CDKN2B-AS1: variants seen among roughly 807,000 people sequenced by gnomAD.
CDKN2B-AS1 encodes the protein CDKN2B and CDKN2A antisense cis and trans regulatory RNA 1, also known as CDKN2B antisense RNA 1 (non-protein coding).
At chr9:22,033,850 A>G (rs1822578094) in intron 1 of CDKN2B-AS1, among the ~76,000 whole-genome samples, 1 of 152,218 alleles carries the variant, frequency 6.6e-6, no homozygotes, top group African/African-American at 2.4e-5. Context: ...GTTGGCACTG[A>G]ATGTGCTATC....
At chr9:22,072,477 A>T (rs1824335470) in intron 4 of CDKN2B-AS1, among the ~76,000 whole-genome samples, 1 of 152,180 alleles carries the variant, frequency 6.6e-6, no homozygotes, top group African/African-American at 2.4e-5. Flanking sequence ...GTTCCATTTC[A>T]TCTCTAATAA....
intron 1 of CDKN2B-AS1, among the ~76,000 whole-genome samples, chr9:22,044,318 T>A (rs10965217): frequency 1.1e-4 from 16 of 151,906 alleles, no homozygotes; most frequent in African/African-American, 3.9e-4. Flanking sequence ...GAGTAGAATA[T>A]CCTAGTAGGA....
rs557349640 is a variant in CDKN2B-AS1, at chr9:22,015,257, C to T, written n.29+20096C>T. Among the ~76,000 whole-genome samples the T allele has an allele frequency of 3.3e-4, 51 of 152,288 alleles. No individual in the cohort carries two copies. The East Asian group carries it at 9.4e-3, about 28-fold the overall frequency. On this transcript the variant is annotated intron_variant and non_coding_transcript_variant, in intron 1 of 4. Transcript: ENST00000650946. The stretch of plus-strand genomic sequence containing the variant: ...TAAAAGTGTTCCTATTTCTCCACAT[C>T]CTCTCCAGCACCTGTTTTTTCCTGA...
At chr9:22,023,865 C>T (rs1186009421) in intron 1 of CDKN2B-AS1, among the ~76,000 whole-genome samples, 1 of 152,154 alleles carries the variant, frequency 6.6e-6, no homozygotes, top group Non-Finnish European at 1.5e-5. Flanking sequence ...AGTTCCTTTG[C>T]ATTTTGTTAC....
At chr9:22,090,219 C>G (rs1397892218) in intron 4 of CDKN2B-AS1, among the ~76,000 whole-genome samples, 10 of 152,108 alleles carry the variant, frequency 6.6e-5, no homozygotes, top group East Asian at 1.9e-4. Flanking sequence ...TCTTAATCCA[C>G]TCTATCATTG....
chr9:22,049,363 A>G (rs1327412469), intron 3 of CDKN2B-AS1: 1 of 152,134 alleles, frequency 6.6e-6, no homozygotes, highest in Non-Finnish European at 1.5e-5. Flanking sequence ...GTTCTTTCCT[A>G]CTCTGTCCAA....
At chr9:22,080,593 C>T (rs1350545109) in intron 4 of CDKN2B-AS1, among the ~76,000 whole-genome samples, 1 of 152,232 alleles carries the variant, frequency 6.6e-6, no homozygotes, top group East Asian at 1.9e-4. Context: ...ACAATTAAAA[C>T]CAGGCTTTGC....
intron 1 of CDKN2B-AS1, among the ~76,000 whole-genome samples, chr9:22,015,902 A>C (rs1821732350): frequency 1.3e-5 from 2 of 152,128 alleles, no homozygotes; most frequent in South Asian, 4.1e-4. Flanking sequence ...TCTTTTGAGA[A>C]GTGTCTGTTC....
intron 4 of CDKN2B-AS1, among the ~76,000 whole-genome samples, chr9:22,057,866 A>T (rs1287533087): frequency 1.3e-5 from 2 of 152,000 alleles, no homozygotes; most frequent in Non-Finnish European, 2.9e-5. Context: ...CTATATTTCT[A>T]GCAGTTTGAG....
At chr9:22,012,817 A>G (rs940230062) in intron 1 of CDKN2B-AS1, among the ~76,000 whole-genome samples, 1 of 151,676 alleles carries the variant, frequency 6.6e-6, no homozygotes, top group African/African-American at 2.4e-5. Context: ...AAGAGGTTTG[A>G]TTTTCTCCAT....
In CDKN2B-AS1 at chr9:22,037,952, T is replaced by G. The variant is rs143657262; in HGVS notation, n.30-8799T>G. ...TAATAATAAAAGTTAGGGAAAATAA[T>G]GTTTTCCTAAGAGTAGGCAATGAAA... is the stretch of plus-strand genomic sequence containing the variant. On this transcript the variant is annotated intron_variant and non_coding_transcript_variant, in intron 1 of 4. Transcript: ENST00000650946. 2.0e-5 allele frequency among the ~76,000 whole-genome samples: 3 copies of G among 152,170 alleles called. No homozygotes were observed. In the East Asian group the frequency reaches 5.8e-4, roughly 29 times the overall value.
intron 4 of CDKN2B-AS1, among the ~76,000 whole-genome samples, chr9:22,123,657 T>C (rs1826139285): frequency 6.6e-6 from 1 of 152,092 alleles, no homozygotes; most frequent in South Asian, 2.1e-4. Flanking sequence ...ACCCTGACAT[T>C]GTTTAACTAG....
chr9:22,037,730 G>T (rs188967704), intron 1 of CDKN2B-AS1, among the ~76,000 whole-genome samples: 2 of 152,062 alleles, frequency 1.3e-5, no homozygotes, highest in African/African-American at 4.8e-5. Flanking sequence ...TTCATTCAGG[G>T]AACTCATATT....
rs141663063 is a variant in CDKN2B-AS1, at chr9:22,067,188, A to C, written n.438+10801A>C. The stretch of plus-strand genomic sequence containing the variant: ...TGTAATAAACCTGCACATTGTGCAC[A>C]TGTACCCTAGAACTTAAAGTATAAT... On this transcript the variant is annotated intron_variant and non_coding_transcript_variant, in intron 4 of 4. Transcript: ENST00000650946. Among the ~76,000 whole-genome samples the C allele has an allele frequency of 3.9e-3, 597 of 152,244 alleles. 7 individuals carry two copies. The highest frequency in any genetic ancestry group is 0.014 in the African/African-American group (566 of 41,546).
intron 1 of CDKN2B-AS1, among the ~76,000 whole-genome samples, chr9:22,031,482 G>A (rs1323978550): frequency 6.6e-6 from 1 of 152,076 alleles, no homozygotes; most frequent in Non-Finnish European, 1.5e-5. Flanking sequence ...TGCTAGAATT[G>A]GTCCTGATAC....
intron 1 of CDKN2B-AS1, among the ~76,000 whole-genome samples, chr9:22,020,489 C>T (rs187913078): frequency 1.6e-4 from 24 of 152,328 alleles, no homozygotes; most frequent in African/African-American, 5.5e-4. Context: ...TTTACACTCC[C>T]ACCAGCAGAG....
chr9:22,046,681 C>G (rs2131273676), intron 1 of CDKN2B-AS1: 1 of 152,206 alleles, frequency 6.6e-6, no homozygotes, highest in South Asian at 2.1e-4. Flanking sequence ...TAGGAAATAT[C>G]TGCTGTGTTT....
intron 4 of CDKN2B-AS1, among the ~76,000 whole-genome samples, chr9:22,100,559 C>G (rs1825447695): frequency 2.0e-5 from 3 of 152,068 alleles, no homozygotes; most frequent in Admixed American, 2.0e-4. Flanking sequence ...TTTTTCTGTT[C>G]ATCAGTTGAA....
At chr9:22,022,607 C>T (rs924910896) in intron 1 of CDKN2B-AS1, among the ~76,000 whole-genome samples, 3 of 152,016 alleles carry the variant, frequency 2.0e-5, no homozygotes, top group African/African-American at 4.8e-5. Flanking sequence ...CTTGGCTTGC[C>T]GCTCTGTCTT....
Sources: gnomAD v4.1 joint callset for allele counts (sites outside exome capture counted in the v4.1 genomes callset) on GRCh38, gnomAD v4.1.1 for gene constraint, MANE v1.5 for transcripts, NCBI Gene and HGNC (gene_info 2026-07-23, HGNC 2026-07-21) for gene names.